The following GSTCD variants were observed in gnomAD, a reference collection of about 807,000 sequenced individuals.
The protein encoded by GSTCD is glutathione S-transferase C-terminal domain containing.
A neutral mutation model predicts 68.3 loss-of-function variants in GSTCD; 44 were observed. The observed-to-expected ratio is 0.64, with a 90% CI of 0.51 to 0.83. The LOEUF is 0.83. Among genes scored for constraint, GSTCD ranks in the 40% least tolerant of loss-of-function variants. GSTCD has a pLI of 0.00. For synonymous variants in GSTCD, 273 were observed against 255.2 expected, an observed-to-expected ratio of 1.07 and a Z score of -0.67; for missense variants, 739 against 735.9, an observed-to-expected ratio of 1.00 and a Z score of -0.05.
chr4:105,709,449 C>A (rs1047279040), intron 1 of GSTCD, among the ~76,000 whole-genome samples: 4 of 152,136 alleles, frequency 2.6e-5, no homozygotes, highest in African/African-American at 9.7e-5. Flanking sequence ...GAAAGCAGTT[C>A]TATGTGAATA....
At chr4:105,800,769 G>C (rs536196233) in intron 5 of GSTCD, among the ~76,000 whole-genome samples, 1 of 152,228 alleles carries the variant, frequency 6.6e-6, no homozygotes, top group East Asian at 1.9e-4. Context: ...ACACTGAGTT[G>C]GCAAATACTG....
Position 105,797,856 on chromosome 4 carries a change from C to T in GSTCD, c.1241-25098C>T, listed in dbSNP as rs1735963305. On this transcript the variant is annotated intron_variant, in intron 5 of 11. Coordinates refer to ENST00000515279, the MANE Select transcript of GSTCD (RefSeq NM_001370181.1). The stretch of plus-strand genomic sequence containing the variant: ...ATGGTGCGATCTTGGCTCACTGCAA[C>T]CTCCGCCTGCTGGGCTCAAGCGATT... Among the ~76,000 whole-genome samples the T allele has an allele frequency of 2.0e-5, 3 of 146,754 alleles. No individual in the cohort carries two copies. In the Admixed American group the frequency reaches 2.1e-4, roughly 10 times the overall value.
At chr4:105,767,424 G>A (rs1347479458) in intron 5 of GSTCD, among the ~76,000 whole-genome samples, 1 of 151,986 alleles carries the variant, frequency 6.6e-6, no homozygotes, top group Non-Finnish European at 1.5e-5. Context: ...ATCTACATTA[G>A]AATCGTTTCA....
At chr4:105,741,663 A>T (rs1035273454) in intron 5 of GSTCD, among the ~76,000 whole-genome samples, 4 of 152,206 alleles carry the variant, frequency 2.6e-5, no homozygotes, top group Non-Finnish European at 5.9e-5. Context: ...CTCACATTAA[A>T]CATTCATGGC....
intron 5 of GSTCD, among the ~76,000 whole-genome samples, chr4:105,752,301 CATT>C (rs912303310): frequency 6.6e-6 from 1 of 152,036 alleles, no homozygotes; most frequent in Non-Finnish European, 1.5e-5. Context: ...TAATTCTTCT[CATT>C]ATTATGTTAT....
chr4:105,718,297 G>A (rs865993829), intron 2 of GSTCD, among the ~76,000 whole-genome samples: 18 of 152,136 alleles, frequency 1.2e-4, no homozygotes, highest in African/African-American at 2.4e-4. Context: ...CAGATGCCTC[G>A]TAAATGGCTT....
intron 5 of GSTCD, among the ~76,000 whole-genome samples, chr4:105,742,340 A>T (rs1234732454): frequency 1.3e-5 from 2 of 152,130 alleles, no homozygotes; most frequent in East Asian, 3.9e-4. Flanking sequence ...AGCCTTGAAT[A>T]TTCTTCTTCC....
rs978861049 is a variant in GSTCD at position 105,846,585 on chromosome 4, T to G, written c.*1008T>G. ...AGACCTTGGCCTAGTTTCTTTTCAATTCAAAGATGAGTTGCAAAAGACATA... is the reference window on the plus strand; with the variant it reads ...AGACCTTGGCCTAGTTTCTTTTCAAGTCAAAGATGAGTTGCAAAAGACATA... On this transcript the variant is annotated 3_prime_UTR_variant, in exon 12 of 12. Transcript: ENST00000515279. 42 of 152,200 alleles carry G rather than the reference T, an allele frequency of 2.8e-4. No individual in the cohort carries two copies. The highest frequency in any genetic ancestry group is 9.4e-4 in the African/African-American group (39 of 41,546). 9.4% of individuals were successfully genotyped at this position (152,200 alleles called of 1,614,324 possible).
At chr4:105,820,193 T>C (rs1260847864) in intron 5 of GSTCD, among the ~76,000 whole-genome samples, 1 of 151,716 alleles carries the variant, frequency 6.6e-6, no homozygotes, top group Non-Finnish European at 1.5e-5. Flanking sequence ...TTAACATGGC[T>C]TCCCCCTTGC....
chr4:105,790,671 G>A (rs1735629381), intron 5 of GSTCD, among the ~76,000 whole-genome samples: 1 of 151,996 alleles, frequency 6.6e-6, no homozygotes, highest in Non-Finnish European at 1.5e-5. Context: ...AACGGCAGCA[G>A]TAGCACTGTG....
At chr4:105,746,072 G>A (rs1364390252) in intron 5 of GSTCD, among the ~76,000 whole-genome samples, 7 of 152,020 alleles carry the variant, frequency 4.6e-5, no homozygotes, top group Non-Finnish European at 8.8e-5. Context: ...GGTTAGGGTC[G>A]CTGACTCCCC....
intron 5 of GSTCD, among the ~76,000 whole-genome samples, chr4:105,799,340 G>A (rs145449089): frequency 1.1e-3 from 171 of 152,214 alleles, no homozygotes; most frequent in African/African-American, 4.0e-3. Flanking sequence ...GAACATCTTT[G>A]CATTCATATC....
chr4:105,789,832 G>T (rs1237469659), intron 5 of GSTCD, among the ~76,000 whole-genome samples: 1 of 151,588 alleles, frequency 6.6e-6, no homozygotes, highest in Non-Finnish European at 1.5e-5. Context: ...TAAGTGAAAT[G>T]CCCAGTCATA....
At position 105,847,409 on chromosome 4, in the gene GSTCD, A is replaced by C. The variant is rs1299799402; in HGVS notation, c.*1832A>C. Reference sequence around the variant, plus strand: ...GTCATTTGTGCCTATAGAAAACAACATGCTCTTTTATTGTGGACTTTCTTC... The same window carrying C: ...GTCATTTGTGCCTATAGAAAACAACCTGCTCTTTTATTGTGGACTTTCTTC... On this transcript the variant is annotated 3_prime_UTR_variant, in exon 12 of 12. Transcript: ENST00000515279. The C allele has an allele frequency of 6.6e-6, 1 of 152,210 alleles. No homozygotes were observed. Among genetic ancestry groups the C allele is most frequent in the Non-Finnish European group, 1.5e-5 (1 of 68,032 alleles). The allele number at this position is 152,210 out of a possible 1,614,324, so 9.4% of individuals were successfully genotyped here.
At chr4:105,841,212 T>TA (rs1411779107) in intron 10 of GSTCD, among the ~76,000 whole-genome samples, 2 of 151,692 alleles carry the variant, frequency 1.3e-5, no homozygotes, top group Admixed American at 1.3e-4. Flanking sequence ...TAGTGCCAGC[T>TA]ACTCAGGAGG....
At chr4:105,818,650 T>G (rs1425753279) in intron 5 of GSTCD, among the ~76,000 whole-genome samples, 1 of 151,756 alleles carries the variant, frequency 6.6e-6, no homozygotes, top group Non-Finnish European at 1.5e-5. Context: ...TGGAAGGGAC[T>G]TTAGTAATAT....
chr4:105,749,354 T>G (rs1247063111), intron 5 of GSTCD, among the ~76,000 whole-genome samples: 1 of 152,036 alleles, frequency 6.6e-6, no homozygotes, highest in Non-Finnish European at 1.5e-5. Context: ...CTGAAGACTT[T>G]TTGTAGCTGT....
chr4:105,772,616 A>C (rs1035220088), intron 5 of GSTCD, among the ~76,000 whole-genome samples: 6 of 152,104 alleles, frequency 3.9e-5, no homozygotes. Context: ...TGAGATAATC[A>C]TGTGGTTTTT....
chr4:105,815,841 G>C (rs976397301), intron 5 of GSTCD, among the ~76,000 whole-genome samples: 1 of 152,132 alleles, frequency 6.6e-6, no homozygotes, highest in East Asian at 1.9e-4. Flanking sequence ...GTTTGGTCTT[G>C]TGGGCAACTT....
Sources: gnomAD v4.1 joint callset for allele counts (sites outside exome capture counted in the v4.1 genomes callset) on GRCh38, gnomAD v4.1.1 for gene constraint, MANE v1.5 for transcripts, NCBI Gene and HGNC (gene_info 2026-07-23, HGNC 2026-07-21) for gene names.